The following SIMC1 variants were observed in gnomAD, a reference collection of about 807,000 sequenced individuals.
The protein encoded by SIMC1 is SUMO-interacting motif-containing protein 1.
Under a neutral mutation model 82.3 loss-of-function variants are expected in SIMC1, and 55 were observed. The ratio of observed to expected loss-of-function variants is 0.67; its 90% CI spans 0.54 to 0.84. SIMC1 has a LOEUF of 0.84. SIMC1 is among the 40% of genes least tolerant of loss of function. The pLI is 0.00. For missense variants in SIMC1, 915 were observed against 1,107.2 expected (o/e 0.83, Z 2.46); for synonymous variants, 353 against 426.3 (o/e 0.83, Z 2.12).
chr5:176,246,137 G>A (rs578230804), intron 1 of SIMC1, among the ~76,000 whole-genome samples: 1 of 151,104 alleles, frequency 6.6e-6, no homozygotes, highest in East Asian at 2.0e-4. Flanking sequence ...AGCCTCCTGA[G>A]TAGCTGGGAT....
At chr5:176,335,273 C>CTTTTT (rs1225021593) in intron 7 of SIMC1, among the ~76,000 whole-genome samples, 7 of 98,664 alleles carry the variant, frequency 7.1e-5, no homozygotes, top group East Asian at 3.4e-4. Flanking sequence ...TTCTTTGTAT[C>CTTTTT]TTTTTTTTTT....
At chr5:176,276,449 CTT>C (rs373839606) in intron 1 of SIMC1, among the ~76,000 whole-genome samples, 5 of 145,362 alleles carry the variant, frequency 3.4e-5, no homozygotes, top group Non-Finnish European at 7.6e-5. Flanking sequence ...ATTTTTTTTT[CTT>C]TTTTTTTTAT....
At position 176,289,880 on chromosome 5, in the gene SIMC1, C is replaced by T. The variant is rs111932011; in HGVS notation, c.356C>T (p.Pro119Leu). The change falls in exon 2 of 10, where the codon CCT becomes CTT. Residue 119 changes from proline to leucine, a missense_variant. By Grantham distance (98) the Pro-to-Leu change is moderately conservative. Around this residue, in one of 2 missense-constraint regions of SIMC1, gnomAD observed 902 missense variants for 1,040.3 expected, o/e 0.87. Coordinates refer to ENST00000429602, the MANE Select transcript of SIMC1 (RefSeq NM_001308195.2). ...MEGHVDRSSQ[P>L]TARRIINSDP... ...GGGCACGTGGACAGAAGCTCTCAGC[C>T]TACAGCACGGAGAATCATTAACAGT... 48 of 1,613,906 alleles carry T rather than the reference C, an allele frequency of 3.0e-5. 4 individuals are homozygous for T. In the African/African-American group the frequency reaches 4.3e-4, roughly 14 times the overall value.
chr5:176,263,054 T>C (rs1419121246), intron 1 of SIMC1, among the ~76,000 whole-genome samples: 1 of 151,842 alleles, frequency 6.6e-6, no homozygotes, highest in African/African-American at 2.4e-5. Context: ...ACATTAGCAC[T>C]CCCAGAAATT....
chr5:176,290,614 C>G lies in SIMC1; in HGVS notation c.1090C>G (p.Pro364Ala). The G allele has an allele frequency of 9.3e-6, 15 of 1,613,976 alleles. No homozygotes were observed. The highest frequency in any genetic ancestry group is 1.2e-5 in the Non-Finnish European group (14 of 1,179,894). The change falls in exon 2 of 10, where the codon CCT (proline) becomes GCT (alanine). Residue 364 changes from proline to alanine, a missense_variant. Around this residue, in one of 2 missense-constraint regions of SIMC1, gnomAD observed 902 missense variants for 1,040.3 expected, o/e 0.87. Transcript: ENST00000429602. ...GDVTHSPRDI[P>A]HLPGDRPDFT... ...CGTGACACACTCACCTAGAGACATCCCTCACTTACCAGGAGACAGGCCTGA... is the reference window on the plus strand; with the variant it reads ...CGTGACACACTCACCTAGAGACATCGCTCACTTACCAGGAGACAGGCCTGA...
At chr5:176,265,625 A>G (rs1762178096) in intron 1 of SIMC1, among the ~76,000 whole-genome samples, 1 of 152,076 alleles carries the variant, frequency 6.6e-6, no homozygotes. Context: ...GTTATTTCCT[A>G]GTTTCACTCT....
chr5:176,262,820 A>G (rs1209285231), intron 1 of SIMC1, among the ~76,000 whole-genome samples: 3 of 152,000 alleles, frequency 2.0e-5, no homozygotes, highest in South Asian at 4.2e-4. Context: ...AAGAAAAAGT[A>G]TGTGGATTGG....
At position 176,343,675 on chromosome 5, in the gene SIMC1, T is replaced by C. The variant is rs150614557; in HGVS notation, c.2414-1508T>C. 2.5e-3 allele frequency among the ~76,000 whole-genome samples: 386 copies of C among 152,374 alleles called. 3 individuals are homozygous for C. The highest frequency in any genetic ancestry group is 8.7e-3 in the African/African-American group (362 of 41,584). ...GTTGATAAGTGCGCCATCATAATTG[T>C]ATTGCTTAAGTACTTCAGCATGTTC... On this transcript the variant is annotated intron_variant, in intron 9 of 9. Transcript: ENST00000429602.
intron 2 of SIMC1, among the ~76,000 whole-genome samples, chr5:176,292,630 C>G (rs1402363128): frequency 2.0e-5 from 3 of 152,092 alleles, no homozygotes; most frequent in African/African-American, 7.2e-5. Context: ...CTGCAACCTC[C>G]GCCTCCCAGG....
intron 1 of SIMC1, among the ~76,000 whole-genome samples, chr5:176,252,099 C>G (rs1385810551): frequency 2.6e-5 from 4 of 152,228 alleles, no homozygotes; most frequent in Non-Finnish European, 5.9e-5. Flanking sequence ...CTGTTGGGTA[C>G]ACCTCCCAGA....
At chr5:176,252,466 C>T (rs1208480007) in intron 1 of SIMC1, among the ~76,000 whole-genome samples, 1 of 132,766 alleles carries the variant, frequency 7.5e-6, no homozygotes, top group Admixed American at 7.5e-5. Context: ...CAGATGGGGT[C>T]GCGGCTGGGC....
intron 1 of SIMC1, among the ~76,000 whole-genome samples, chr5:176,261,426 T>C (rs2113146696): frequency 6.6e-6 from 1 of 152,334 alleles, no homozygotes; most frequent in East Asian, 1.9e-4. Flanking sequence ...AAATGCTTTT[T>C]AAAATTTAAA....
chr5:176,331,009 G>A (rs1401762274), intron 7 of SIMC1, among the ~76,000 whole-genome samples: 3 of 152,060 alleles, frequency 2.0e-5, no homozygotes, highest in Non-Finnish European at 4.4e-5. Context: ...CATTTTTTCA[G>A]TACTGCCAAA....
At chr5:176,333,597 T>C (rs1429231805) in intron 7 of SIMC1, among the ~76,000 whole-genome samples, 1 of 151,962 alleles carries the variant, frequency 6.6e-6, no homozygotes, top group African/African-American at 2.4e-5. Context: ...GCCCAGCTAA[T>C]TTTTGTATTT....
intron 5 of SIMC1, among the ~76,000 whole-genome samples, chr5:176,321,885 C>CT (rs11418187): frequency 0.52 from 47,185 of 90,524 alleles, 14,093 homozygotes; most frequent in Middle Eastern, 0.6. Context: ...TTTTAGTTAG[C>CT]TTTTTTTTTT....
intron 5 of SIMC1, among the ~76,000 whole-genome samples, chr5:176,316,436 G>A (rs1764909204): frequency 6.6e-6 from 1 of 151,222 alleles, no homozygotes; most frequent in Admixed American, 6.6e-5. Flanking sequence ...GGAGGCCAAG[G>A]TGGGCAGATC....
At chr5:176,309,611 T>G (rs1764570090) in intron 4 of SIMC1, among the ~76,000 whole-genome samples, 1 of 152,198 alleles carries the variant, frequency 6.6e-6, no homozygotes, top group African/African-American at 2.4e-5. Context: ...ACCATATATC[T>G]GATCAATTTG....
intron 4 of SIMC1, among the ~76,000 whole-genome samples, chr5:176,304,795 G>C (rs533882737): frequency 5.9e-5 from 9 of 151,282 alleles, no homozygotes; most frequent in African/African-American, 1.7e-4. Flanking sequence ...GTCTCTGCCC[G>C]GCTGCCCATT....
In SIMC1 at chr5:176,274,802, G is replaced by T. The variant is rs926054841; in HGVS notation, c.130-14852G>T. On this transcript the variant is annotated intron_variant, in intron 1 of 9. Transcript: ENST00000429602. ...GCTTTTTTTTCTCAGGTTTGTCAAA[G>T]ATCAGATGGTTGTAGATAGGCGGCA... 6.6e-5 allele frequency among the ~76,000 whole-genome samples: 10 copies of T among 151,744 alleles called. 1 individual carries two copies. The highest frequency in any genetic ancestry group is 1.3e-4 in the Non-Finnish European group (9 of 67,844).
Sources: gnomAD v4.1 joint callset for allele counts (sites outside exome capture counted in the v4.1 genomes callset) on GRCh38, gnomAD v4.1.1 for gene constraint, gnomAD v4.1.1 regional missense constraint, MANE v1.5 for transcripts, NCBI Gene and HGNC (gene_info 2026-07-23, HGNC 2026-07-21) for gene names.